The following PCSK2 variants were observed in gnomAD, a reference collection of about 807,000 sequenced individuals.
The protein encoded by PCSK2 is proprotein convertase subtilisin/kexin type 2.
Under a neutral mutation model 69.7 loss-of-function variants are expected in PCSK2, and 14 were observed. The ratio of observed to expected loss-of-function variants is 0.20; its 90% CI spans 0.13 to 0.31. The LOEUF is 0.31. PCSK2 is among the 10% of genes least tolerant of loss of function. The pLI, the probability that PCSK2 is intolerant of heterozygous loss-of-function variation, is 1.00. For missense variants in PCSK2, 544 were observed against 842.5 expected (o/e 0.65, Z 4.39); for synonymous variants, 307 against 320.7 (o/e 0.96, Z 0.46).
At chr20:17,465,300 T>G (rs2123401061) in intron 10 of PCSK2, 26 bp from the exon 11 acceptor site, 5 of 1,580,882 alleles carry the variant, frequency 3.2e-6, no homozygotes, top group Non-Finnish European at 4.3e-6. Context: ...GCCCTTGCCC[T>G]CTTGCTCTCT....
intron 2 of PCSK2, among the ~76,000 whole-genome samples, chr20:17,294,882 A>G (rs1308960652): frequency 2.0e-5 from 3 of 152,060 alleles, no homozygotes; most frequent in Non-Finnish European, 4.4e-5. Context: ...CTCTTATTAC[A>G]TAGGTATAAG....
chr20:17,238,995 G>A (rs1259780556), intron 1 of PCSK2, among the ~76,000 whole-genome samples: 2 of 152,128 alleles, frequency 1.3e-5, no homozygotes, highest in Non-Finnish European at 2.9e-5. Context: ...ACACCCAGCC[G>A]ATGTCTCATG....
chr20:17,354,389 G>A lies in PCSK2; in HGVS notation c.283-3938G>A, dbSNP rs115923852. Among the ~76,000 whole-genome samples the A allele has an allele frequency of 3.4e-3, 514 of 152,288 alleles. 2 individuals carry two copies. The highest frequency in any genetic ancestry group is 0.012 in the African/African-American group (494 of 41,538). ...CATCTAAATGGTAATAAAAGGTATAGTGTATGGAAGGCTAAAATTCAGAGA... is the reference window on the plus strand; with the variant it reads ...CATCTAAATGGTAATAAAAGGTATAATGTATGGAAGGCTAAAATTCAGAGA... On this transcript the variant is annotated intron_variant, in intron 2 of 11. Transcript: ENST00000262545.
intron 2 of PCSK2, 125 bp from the exon 3 acceptor site, chr20:17,358,202 A>G (rs1397244549): frequency 7.5e-5 from 47 of 630,482 alleles, no homozygotes; most frequent in Non-Finnish European, 1.2e-5. Context: ...TATGAGATGA[A>G]CTTGCTTTTG....
chr20:17,458,446 C>T (rs188249829), intron 10 of PCSK2, among the ~76,000 whole-genome samples: 208 of 152,238 alleles, frequency 1.4e-3, no homozygotes, highest in Non-Finnish European at 2.2e-3. Context: ...AGTCAGTCAT[C>T]GGCTAAGAGC....
Position 17,465,442 on chromosome 20 carries a change from A to C in PCSK2, c.1319A>C (p.His440Pro). ...RRNGVGLEFN[H>P]LFGYGVLDAG... ...AATGGGGTCGGCCTGGAATTTAATC[A>C]CCTCTTTGGCTACGGGGTCCTTGAT... The change falls in exon 11 of 12, where the codon CAC (histidine) becomes CCC (proline). Residue 440 changes from histidine (H) to proline (P), a missense_variant. This residue lies in a region of PCSK2 where 200 missense variants were observed against 287.8 expected (regional missense o/e 0.69). Coordinates refer to ENST00000262545, the MANE Select transcript of PCSK2 (RefSeq NM_002594.5). The C allele has an allele frequency of 6.2e-7, 1 of 1,613,986 alleles. No homozygotes were observed. The highest frequency in any genetic ancestry group is 8.5e-7 in the Non-Finnish European group (1 of 1,179,978).
At chr20:17,285,796 G>C (rs1003204119) in intron 2 of PCSK2, among the ~76,000 whole-genome samples, 7 of 152,142 alleles carry the variant, frequency 4.6e-5, no homozygotes, top group African/African-American at 1.7e-4. Flanking sequence ...CCTTGCTCCA[G>C]ATTTTAAGGA....
At chr20:17,430,060 A>C (rs545823663) in intron 7 of PCSK2, among the ~76,000 whole-genome samples, 1 of 152,228 alleles carries the variant, frequency 6.6e-6, no homozygotes, top group African/African-American at 2.4e-5. Flanking sequence ...TGTTTTGCAC[A>C]ATGGAACTCA....
At chr20:17,435,702 A>G (rs1242372292) in intron 7 of PCSK2, among the ~76,000 whole-genome samples, 1 of 152,190 alleles carries the variant, frequency 6.6e-6, no homozygotes. Flanking sequence ...GGAAAGACTC[A>G]GGTCAGCTTC....
intron 1 of PCSK2, among the ~76,000 whole-genome samples, chr20:17,256,366 G>A (rs1161903293): frequency 2.0e-5 from 3 of 152,054 alleles, no homozygotes. Flanking sequence ...TAGTTATATA[G>A]TTTAGTCTTT....
At chr20:17,226,821 T>A (rs1467017371), upstream of PCSK2, among the ~76,000 whole-genome samples, 7 of 123,810 alleles carry the variant, frequency 5.7e-5, no homozygotes, top group Non-Finnish European at 1.1e-4. Context: ...TGCGCTGCGC[T>A]GCGCCCCCAG....
chr20:17,471,719 G>A (rs896633486), intron 11 of PCSK2, among the ~76,000 whole-genome samples: 2 of 152,216 alleles, frequency 1.3e-5, no homozygotes, highest in Non-Finnish European at 2.9e-5. Context: ...AGATGAGTTA[G>A]GTCTAGGGCA....
At chr20:17,241,352 G>A (rs1277502947) in intron 1 of PCSK2, among the ~76,000 whole-genome samples, 1 of 152,182 alleles carries the variant, frequency 6.6e-6, no homozygotes, top group South Asian at 2.1e-4. Context: ...CCTGGGGTCA[G>A]TTCATGACCA....
intron 2 of PCSK2, among the ~76,000 whole-genome samples, chr20:17,270,116 T>C (rs983039609): frequency 6.6e-6 from 1 of 152,146 alleles, no homozygotes; most frequent in African/African-American, 2.4e-5. Context: ...GTTATAATCG[T>C]ATGTCTATCT....
chr20:17,383,170 T>G (rs2031137283), intron 5 of PCSK2, among the ~76,000 whole-genome samples: 1 of 152,218 alleles, frequency 6.6e-6, no homozygotes, highest in African/African-American at 2.4e-5. Context: ...GATTGAACAC[T>G]TGGCTTTCCT....
chr20:17,340,366 A>G (rs1303080495), intron 2 of PCSK2, among the ~76,000 whole-genome samples: 1 of 152,102 alleles, frequency 6.6e-6, no homozygotes, highest in Non-Finnish European at 1.5e-5. Flanking sequence ...TCCCCTTTTG[A>G]CATTTTAATC....
At chr20:17,341,045 G>A (rs1205875547) in intron 2 of PCSK2, among the ~76,000 whole-genome samples, 1 of 152,138 alleles carries the variant, frequency 6.6e-6, no homozygotes, top group Non-Finnish European at 1.5e-5. Flanking sequence ...GAGGTCAGGA[G>A]TTCGAGAGCA....
intron 1 of PCSK2, among the ~76,000 whole-genome samples, chr20:17,256,338 A>T (rs1987174875): frequency 6.6e-6 from 1 of 152,122 alleles, no homozygotes; most frequent in African/African-American, 2.4e-5. Flanking sequence ...TCTATATATA[A>T]TATCATGTGA....
intron 6 of PCSK2, among the ~76,000 whole-genome samples, chr20:17,411,719 G>T (rs2031877904): frequency 6.6e-6 from 1 of 152,214 alleles, no homozygotes. Flanking sequence ...TCCTCAAGTG[G>T]GTCCCTTACC....
Sources: gnomAD v4.1 joint callset for allele counts (sites outside exome capture counted in the v4.1 genomes callset) on GRCh38, gnomAD v4.1.1 for gene constraint, gnomAD v4.1.1 regional missense constraint, MANE v1.5 for transcripts, NCBI Gene and HGNC (gene_info 2026-07-23, HGNC 2026-07-21) for gene names.